TENM3: variants seen among roughly 807,000 people sequenced by gnomAD.
TENM3 encodes the protein teneurin transmembrane protein 3, also known as teneurin-3.
Under a neutral mutation model 255.1 loss-of-function variants are expected in TENM3, and 63 were observed. The observed-to-expected ratio is 0.25, with a 90% CI of 0.20 to 0.30. TENM3 has a LOEUF of 0.30. Among genes scored for constraint, TENM3 ranks in the 10% least tolerant of loss-of-function variants. The pLI, the probability that TENM3 is intolerant of heterozygous loss-of-function variation, is 1.00. For missense variants in TENM3, 2,929 were observed against 3,461.1 expected (o/e 0.85, Z 3.86); for synonymous variants, 1,306 against 1,322.3 (o/e 0.99, Z 0.27).
chr4:182,769,924 G>T (rs2152787891), intron 22 of TENM3, among the ~76,000 whole-genome samples: 1 of 151,922 alleles, frequency 6.6e-6, no homozygotes, highest in African/African-American at 2.4e-5. Flanking sequence ...GACCAATATG[G>T]TGAAATCCCG....
rs146198406 is a variant in TENM3, at chr4:182,174,527, C to CACACACACAA, written c.-76+29778_-76+29779insCACAAACACA. 6.6e-3 allele frequency among the ~76,000 whole-genome samples: 992 copies of CACACACACAA among 149,950 alleles called. 6 individuals carry two copies. The highest frequency in any genetic ancestry group is 0.023 in the African/African-American group (944 of 40,550). ...TCACACACACACACACACACACACA[C>CACACACACAA]ACACAAACACACACTTTAACAGGGA... is the stretch of plus-strand genomic sequence containing the variant. On this transcript the variant is annotated intron_variant, in intron 1 of 2. Coordinates refer to the TENM3 transcript ENST00000512480.
chr4:181,527,815 T>C, the TENM3 span, among the ~76,000 whole-genome samples: 1 of 151,742 alleles, frequency 6.6e-6, no homozygotes, highest in African/African-American at 2.4e-5. Context: ...TTTTTTTTCG[T>C]TTAATGTAAT....
At position 182,793,470 on chromosome 4, in the gene TENM3, G is replaced by A. The variant is rs376917223; in HGVS notation, c.6798G>A (p.Ser2266=). Residue 2266 remains serine, a synonymous_variant, in exon 26 of 28, where the codon TCG becomes TCA. Transcript: ENST00000511685. This position sits in a 1 kb window ranked among gnomAD's most constrained non-coding sequence, Gnocchi z 5.7. ...GGATTACTCATGTCTACAACCATTC[G>A]AGTTCAGAAATTACCTCCCTGTATT... is the stretch of plus-strand genomic sequence containing the variant. The part of the protein sequence containing the change: ...PTRITHVYNH[S]SSEITSLYYD... The A allele has an allele frequency of 8.7e-6, 14 of 1,613,840 alleles. No homozygotes were observed. The highest frequency in any genetic ancestry group is 2.2e-5 in the South Asian group (2 of 91,076).
chr4:182,799,798 T>A lies in TENM3; in HGVS notation c.7547T>A (p.Ile2516Asn). ...QGRVQTNVLN[I>N]ANEDCIKVAA... is the part of the protein sequence containing the mutation. ...CGCGTGCAGACCAACGTGCTCAACA[T>A]CGCCAACGAGGACTGCATCAAGGTG... Residue 2516 changes from isoleucine (I) to asparagine (N), a missense_variant, in exon 28 of 28, where the codon ATC (isoleucine) becomes AAC (asparagine). Around this residue, in one of 6 missense-constraint regions of TENM3, gnomAD observed 476 missense variants for 480.1 expected, o/e 0.99. Coordinates refer to ENST00000511685, the MANE Select transcript of TENM3 (RefSeq NM_001080477.4). The surrounding 1 kb of genome is among the most constrained non-coding windows in gnomAD (Gnocchi z 4.2). The A allele has an allele frequency of 6.2e-7, 1 of 1,605,286 alleles. No homozygotes were observed. Among genetic ancestry groups the A allele is most frequent in the East Asian group, 2.3e-5 (1 of 44,436 alleles).
At chr4:182,314,743 GT>G (rs925953463) in intron 1 of TENM3, among the ~76,000 whole-genome samples, 10 of 152,158 alleles carry the variant, frequency 6.6e-5, no homozygotes, top group Non-Finnish European at 1.0e-4. Flanking sequence ...ATTTTGTGGA[GT>G]TTTTAGACCA....
the TENM3 span, among the ~76,000 whole-genome samples, chr4:181,766,380 T>C: frequency 6.6e-6 from 1 of 151,428 alleles, no homozygotes; most frequent in Non-Finnish European, 1.5e-5. Flanking sequence ...AATCGGGGAG[T>C]AGGGGCTTAA....
At chr4:182,284,532 G>A (rs967284017) in intron 1 of TENM3, among the ~76,000 whole-genome samples, 1 of 152,120 alleles carries the variant, frequency 6.6e-6, no homozygotes, top group African/African-American at 2.4e-5. Context: ...TGTTGAACCT[G>A]TGTTTATTAC....
the TENM3 span, among the ~76,000 whole-genome samples, chr4:182,063,420 C>T: frequency 1.2e-4 from 18 of 152,300 alleles, no homozygotes; most frequent in African/African-American, 3.1e-4. Context: ...TGTTGGTTCA[C>T]GTAAGCACTT....
chr4:182,515,271 C>T (rs759730883), intron 3 of TENM3, among the ~76,000 whole-genome samples: 22 of 151,874 alleles, frequency 1.4e-4, no homozygotes, highest in Non-Finnish European at 2.8e-4. Context: ...CTAAGTGAGG[C>T]GCAGAAAAAA....
chr4:181,952,169 G>C, the TENM3 span, among the ~76,000 whole-genome samples: 1 of 152,162 alleles, frequency 6.6e-6, no homozygotes, highest in South Asian at 2.1e-4. Flanking sequence ...TTGTTATAAA[G>C]CTATTTGTGT....
At chr4:182,471,657 A>G (rs1017213110) in intron 3 of TENM3, among the ~76,000 whole-genome samples, 2 of 151,760 alleles carry the variant, frequency 1.3e-5, no homozygotes, top group Non-Finnish European at 2.9e-5. Context: ...GTGTGTAAGT[A>G]TATGTTTATA....
chr4:181,995,397 T>C, the TENM3 span, among the ~76,000 whole-genome samples: 1 of 152,096 alleles, frequency 6.6e-6, no homozygotes, highest in African/African-American at 2.4e-5. Context: ...TCAATAACAA[T>C]GGGGTGAGTG....
the TENM3 span, among the ~76,000 whole-genome samples, chr4:181,708,750 G>A: frequency 1.3e-5 from 2 of 152,272 alleles, no homozygotes; most frequent in East Asian, 3.9e-4. Context: ...GTCTAAGGAT[G>A]TTTTAAAGCT....
the TENM3 span, among the ~76,000 whole-genome samples, chr4:181,551,882 G>A: frequency 0.014 from 660 of 47,162 alleles, 20 homozygotes; most frequent in South Asian, 0.15. Flanking sequence ...GTGTGTGTGT[G>A]TGTGTGTATA....
intron 1 of TENM3, among the ~76,000 whole-genome samples, chr4:182,315,167 G>A (rs1482825936): frequency 2.0e-5 from 3 of 152,120 alleles, no homozygotes; most frequent in African/African-American, 7.2e-5. Context: ...CTATATTTAA[G>A]GAGATTTAAA....
chr4:182,084,127 C>T, the TENM3 span, among the ~76,000 whole-genome samples: 1 of 152,082 alleles, frequency 6.6e-6, no homozygotes, highest in Non-Finnish European at 1.5e-5. Flanking sequence ...GTAACATACA[C>T]GCACACACTA....
the TENM3 span, among the ~76,000 whole-genome samples, chr4:182,029,100 G>C: frequency 1.3e-5 from 2 of 152,070 alleles, no homozygotes; most frequent in East Asian, 1.9e-4. Flanking sequence ...GCAAACGTCT[G>C]GCATCAGCTT....
At chr4:181,574,486 G>T in the TENM3 span, among the ~76,000 whole-genome samples, 1 of 151,208 alleles carries the variant, frequency 6.6e-6, no homozygotes, top group South Asian at 2.1e-4. Context: ...AGCCGAGATC[G>T]TGCCACTGCA....
intron 1 of TENM3, among the ~76,000 whole-genome samples, chr4:182,146,109 A>G (rs1169479371): frequency 6.6e-6 from 1 of 152,174 alleles, no homozygotes; most frequent in Non-Finnish European, 1.5e-5. Flanking sequence ...TTATGTATTA[A>G]TATATTGAGA....
Sources: allele counts gnomAD v4.1 joint callset (sites outside exome capture counted in the v4.1 genomes callset), GRCh38; gene constraint gnomAD v4.1.1; regional missense constraint gnomAD v4.1.1; non-coding constraint Gnocchi (gnomAD v3.1); transcripts MANE v1.5; gene names NCBI Gene and HGNC (gene_info 2026-07-23, HGNC 2026-07-21).